Variants in AGBL4 observed in about 807,000 individuals in gnomAD.
The protein encoded by AGBL4 is AGBL carboxypeptidase 4.
AGBL4 carries 58 observed loss-of-function variants against 66.4 expected under a neutral mutation model. The ratio of observed to expected loss-of-function variants is 0.87; its 90% confidence interval spans 0.71 to 1.09. The LOEUF (loss-of-function observed/expected upper bound fraction) is 1.09. Ranked by LOEUF, AGBL4 falls within the 50% of genes least tolerant of loss-of-function variation. The pLI, the probability that AGBL4 is intolerant of heterozygous loss-of-function variation, is 0.00. For synonymous variants in AGBL4, 234 were observed against 222.9 expected (o/e 1.05, Z -0.44); for missense variants, 579 against 631.0 (o/e 0.92, Z 0.88).
intron 2 of AGBL4, among the ~76,000 whole-genome samples, chr1:49,835,725 A>G (rs1439851958): frequency 6.6e-6 from 1 of 151,970 alleles, no homozygotes; most frequent in African/African-American, 2.4e-5. Flanking sequence ...TTTCCTTTCC[A>G]TATTTAGTGC....
intron 1 of AGBL4, among the ~76,000 whole-genome samples, chr1:49,902,565 G>A (rs1422510773): frequency 1.3e-5 from 2 of 152,188 alleles, no homozygotes; most frequent in Non-Finnish European, 2.9e-5. Context: ...TGGCCAACAT[G>A]GTGAAACCCT....
At chr1:49,585,276 T>A (rs1644625791) in intron 3 of AGBL4, among the ~76,000 whole-genome samples, 2 of 152,190 alleles carry the variant, frequency 1.3e-5, no homozygotes, top group South Asian at 4.2e-4. Flanking sequence ...ATGACAAAGG[T>A]GATAGGATGG....
intron 3 of AGBL4, among the ~76,000 whole-genome samples, chr1:49,668,021 T>C (rs1017228707): frequency 8.5e-5 from 13 of 152,158 alleles, no homozygotes; most frequent in Non-Finnish European, 1.9e-4. Flanking sequence ...ATAGCAAGCG[T>C]ATCGTAGGGC....
At chr1:49,102,022 GGAGA>G (rs988191612) in intron 4 of AGBL4, among the ~76,000 whole-genome samples, 2 of 150,800 alleles carry the variant, frequency 1.3e-5, no homozygotes, top group Non-Finnish European at 2.9e-5. Flanking sequence ...ACTGAGAGAG[GGAGA>G]GAGATAGAGA....
intron 5 of AGBL4, among the ~76,000 whole-genome samples, chr1:49,034,961 A>G (rs1221327164): frequency 2.0e-5 from 3 of 152,158 alleles, no homozygotes; most frequent in Admixed American, 6.6e-5. Flanking sequence ...TCCAAGAATC[A>G]AAATTATTAC....
At chr1:48,894,172 A>G (rs1402933155) in intron 5 of AGBL4, among the ~76,000 whole-genome samples, 1 of 152,216 alleles carries the variant, frequency 6.6e-6, no homozygotes, top group East Asian at 1.9e-4. Flanking sequence ...ATTAGCTGAA[A>G]TGATGAAGAT....
chr1:49,418,237 T>C (rs1023027911), intron 3 of AGBL4, among the ~76,000 whole-genome samples: 1 of 152,196 alleles, frequency 6.6e-6, no homozygotes, highest in Non-Finnish European at 1.5e-5. Context: ...GGAAAATTTC[T>C]AATTGAAATG....
intron 3 of AGBL4, among the ~76,000 whole-genome samples, chr1:49,262,280 G>A (rs950538058): frequency 6.6e-6 from 1 of 152,088 alleles, no homozygotes; most frequent in African/African-American, 2.4e-5. Flanking sequence ...ACACTTCATG[G>A]CGACAAAAGA....
At chr1:50,015,130 C>T (rs1003383104) in intron 1 of AGBL4, among the ~76,000 whole-genome samples, 2 of 152,226 alleles carry the variant, frequency 1.3e-5, no homozygotes, top group African/African-American at 2.4e-5. Context: ...CACACTTCTG[C>T]CTACCACTTC....
At chr1:49,348,528 G>T (rs1325120067) in intron 3 of AGBL4, among the ~76,000 whole-genome samples, 1 of 152,198 alleles carries the variant, frequency 6.6e-6, no homozygotes, top group Non-Finnish European at 1.5e-5. Context: ...TGAAGGCAGA[G>T]ATTGAAGCGA....
intron 8 of AGBL4, among the ~76,000 whole-genome samples, chr1:48,649,280 C>A (rs1645888323): frequency 6.6e-6 from 1 of 152,048 alleles, no homozygotes; most frequent in Admixed American, 6.6e-5. Flanking sequence ...TATTGCGATC[C>A]CTGGGAAAGC....
intron 11 of AGBL4, among the ~76,000 whole-genome samples, chr1:48,577,110 C>A (rs533605237): frequency 3.0e-4 from 46 of 152,356 alleles, no homozygotes; most frequent in African/African-American, 1.1e-3. Flanking sequence ...CAGACAGTCC[C>A]TCTCATTGTC....
chr1:49,472,407 CA>C (rs1646763068), intron 3 of AGBL4, among the ~76,000 whole-genome samples: 1 of 151,888 alleles, frequency 6.6e-6, no homozygotes, highest in African/African-American at 2.4e-5. Context: ...TAGCCATCAT[CA>C]AAATGCTTTA....
At chr1:49,341,673 C>T (rs893749062) in intron 3 of AGBL4, among the ~76,000 whole-genome samples, 3 of 152,084 alleles carry the variant, frequency 2.0e-5, no homozygotes, top group Non-Finnish European at 2.9e-5. Context: ...CAGGATTAGG[C>T]GTGTGCAGGA....
chr1:49,417,146 T>A (rs1645444234), intron 3 of AGBL4, among the ~76,000 whole-genome samples: 1 of 152,042 alleles, frequency 6.6e-6, no homozygotes, highest in African/African-American at 2.4e-5. Flanking sequence ...ACAAGTGTCA[T>A]AGGCTATGAT....
intron 6 of AGBL4, among the ~76,000 whole-genome samples, chr1:48,852,578 T>C (rs192803520): frequency 2.0e-5 from 3 of 152,316 alleles, no homozygotes; most frequent in African/African-American, 4.8e-5. Context: ...CATAACCTTT[T>C]TTCCTAAATT....
intron 3 of AGBL4, among the ~76,000 whole-genome samples, chr1:49,566,677 A>G (rs965194010): frequency 6.6e-6 from 1 of 152,138 alleles, no homozygotes; most frequent in African/African-American, 2.4e-5. Flanking sequence ...TCAGAGGGGT[A>G]CCTGGCTTTG....
chr1:49,661,066 T>C (rs1558143023), intron 3 of AGBL4, among the ~76,000 whole-genome samples: 3 of 152,096 alleles, frequency 2.0e-5, no homozygotes, highest in South Asian at 2.1e-4. Flanking sequence ...CATTTACCTA[T>C]GTAACAAACC....
At chr1:49,884,256 T>G (rs1406630624) in intron 1 of AGBL4, among the ~76,000 whole-genome samples, 1 of 151,974 alleles carries the variant, frequency 6.6e-6, no homozygotes. Flanking sequence ...GTTAAGTAAT[T>G]TAACCTCTTT....
Sources: gnomAD v4.1 joint callset for allele counts (sites outside exome capture counted in the v4.1 genomes callset) on GRCh38, gnomAD v4.1.1 for gene constraint, MANE v1.5 for transcripts, NCBI Gene and HGNC (gene_info 2026-07-23, HGNC 2026-07-21) for gene names.